Variants in TFAP2A observed in about 807,000 individuals in gnomAD.
TFAP2A encodes transcription factor AP-2 alpha.
Under a neutral mutation model 41.5 loss-of-function variants are expected in TFAP2A, and 7 were observed. The ratio of observed to expected loss-of-function variants is 0.17; its 90% CI spans 0.10 to 0.32. The LOEUF (loss-of-function observed/expected upper bound fraction) is 0.32, where lower values mean the gene tolerates loss of function less well. TFAP2A is among the 10% of genes least tolerant of loss of function. TFAP2A has a pLI of 1.00. For synonymous variants in TFAP2A, 247 were observed against 242.8 expected (o/e 1.02, Z -0.16); for missense variants, 416 against 563.3 (o/e 0.74, Z 2.65).
At chr6:10,413,922 C>T (rs1758120074) in intron 1 of TFAP2A, among the ~76,000 whole-genome samples, 1 of 152,126 alleles carries the variant, frequency 6.6e-6, no homozygotes, top group Admixed American at 6.5e-5. Context: ...TAGGTAATCT[C>T]CAGCCCTACA....
rs376887906 is a variant in TFAP2A, at chr6:10,404,762, G to A, written c.539-23C>T. ...GGCCTGCGGAGACAGAGGGGAGGCC[G>A]CGTGTTGGGCGTCGTGGATCACCCC... On this transcript the variant is annotated intron_variant, in intron 3 of 6. Transcript: ENST00000379613. 9.5e-5 allele frequency: 152 copies of A among 1,599,214 alleles called. No individual in the cohort carries two copies. In the African/African-American group the frequency reaches 1.9e-3, roughly 20 times the overall value.
At chr6:10,414,059 G>T (rs751846291) in intron 1 of TFAP2A, among the ~76,000 whole-genome samples, 1 of 152,242 alleles carries the variant, frequency 6.6e-6, no homozygotes, top group East Asian at 1.9e-4. Flanking sequence ...GAGCTCAGGG[G>T]ACTCTGCGTT....
upstream of TFAP2A, chr6:10,419,611 C>A: frequency 7.1e-6 from 6 of 840,102 alleles, no homozygotes; most frequent in South Asian, 7.7e-5. Flanking sequence ...CCGACGCATG[C>A]GCGCTGGCCC....
chr6:10,409,171 C>A (rs1757840521), intron 2 of TFAP2A: 1 of 152,164 alleles, frequency 6.6e-6, no homozygotes, highest in African/African-American at 2.4e-5. Flanking sequence ...ATTTAGAAAT[C>A]ATTTTAAACT....
rs1761890440 is a variant in TFAP2A, at chr6:10,398,695, T to C, written c.1042A>G (p.Lys348Glu). Residue 348 changes from lysine to glutamate, a missense_variant, in exon 7 of 7, where the codon AAA becomes GAA. Lys to Glu is a moderately conservative substitution (Grantham distance 56). Around this residue, in one of 3 missense-constraint regions of TFAP2A, gnomAD observed 116 missense variants for 153.8 expected, o/e 0.75. Transcript: ENST00000379613. This position sits in a 1 kb window ranked among gnomAD's most constrained non-coding sequence, Gnocchi z 5.3. ...NMLLATKQIC[K>E]EFTDLLAQDR... ...TGAGCCAGCAGGTCGGTGAACTCTT[T>C]GCATATCTGTCTGCAGCACAAGTGG... 1.9e-6 allele frequency: 3 copies of C among 1,614,068 alleles called. No individual in the cohort carries two copies. Among genetic ancestry groups the C allele is most frequent in the East Asian group, 2.2e-5 (1 of 44,856 alleles).
intron 3 of TFAP2A, chr6:10,406,568 C>G (rs1045420036): frequency 3.5e-6 from 2 of 575,854 alleles, no homozygotes; most frequent in Non-Finnish European, 6.2e-6. Flanking sequence ...TATCATTAAA[C>G]TAAATTAAAT....
intron 5 of TFAP2A, chr6:10,400,830 C>A: frequency 1.5e-6 from 1 of 670,374 alleles, no homozygotes; most frequent in Non-Finnish European, 2.7e-6. Flanking sequence ...AAATCTCATC[C>A]ACCAACCTCC....
chr6:10,402,966 C>A (rs1468630704), intron 4 of TFAP2A, among the ~76,000 whole-genome samples: 8 of 152,230 alleles, frequency 5.3e-5, no homozygotes, highest in Non-Finnish European at 2.9e-5. Context: ...GTTACAATCA[C>A]ACCAATCCCA....
At chr6:10,417,805 CCTAA>C (rs1388361185), upstream of TFAP2A, among the ~76,000 whole-genome samples, 3 of 152,214 alleles carry the variant, frequency 2.0e-5, no homozygotes, top group Non-Finnish European at 4.4e-5. Flanking sequence ...CAGCCACTTG[CCTAA>C]CTGTGAGCCC....
upstream of TFAP2A, chr6:10,415,149 AAGG>A (rs984530947): frequency 7.0e-4 from 1,041 of 1,495,712 alleles, no homozygotes; most frequent in African/African-American, 6.2e-3. Context: ...GGAGGAGGGC[AAGG>A]AGGAGGAGGA....
chr6:10,401,454 T>C (rs1762002895), intron 5 of TFAP2A, among the ~76,000 whole-genome samples: 1 of 152,248 alleles, frequency 6.6e-6, no homozygotes. Flanking sequence ...TCTAAACAGT[T>C]ATATTACTAT....
chr6:10,403,216 T>C (rs1757497893), intron 4 of TFAP2A, among the ~76,000 whole-genome samples: 1 of 152,344 alleles, frequency 6.6e-6, no homozygotes, highest in East Asian at 1.9e-4. Context: ...CTAAATAGAA[T>C]CCCATAATCA....
In TFAP2A at chr6:10,410,044, C is replaced by T. The variant is rs767502053; in HGVS notation, c.343G>A (p.Gly115Arg). The change falls in exon 2 of 7, where the codon GGG becomes AGG. Residue 115 changes from glycine to arginine, a missense_variant. By Grantham distance (125) the Gly-to-Arg change is moderately radical. This residue lies in a region of TFAP2A where 241 missense variants were observed against 274.1 expected (regional missense o/e 0.88). Transcript: ENST00000379613. ...QESGLLHTHRGLPHQLSGLDP... is the reference protein window; with the variant it reads ...QESGLLHTHRRLPHQLSGLDP... ...AGGCCCGACAGCTGGTGAGGCAGCC[C>T]CCGGTGCGTGTGCAGGAGCCCAGAC... is the stretch of plus-strand genomic sequence containing the variant. The T allele has an allele frequency of 6.2e-6, 10 of 1,612,838 alleles. No individual in the cohort carries two copies. The highest frequency in any genetic ancestry group is 8.5e-6 in the Non-Finnish European group (10 of 1,179,812).
chr6:10,417,806 C>T (rs990781356), upstream of TFAP2A, among the ~76,000 whole-genome samples: 2 of 152,224 alleles, frequency 1.3e-5, no homozygotes, highest in African/African-American at 4.8e-5. Flanking sequence ...AGCCACTTGC[C>T]TAACTGTGAG....
chr6:10,419,420 G>T, upstream of TFAP2A: 1 of 1,613,872 alleles, frequency 6.2e-7, no homozygotes, highest in Non-Finnish European at 8.5e-7. Flanking sequence ...CCCCGTACCT[G>T]CCAGTCCCCC....
intron 1 of TFAP2A, chr6:10,414,550 C>G: frequency 2.6e-6 from 1 of 378,486 alleles, no homozygotes; most frequent in Non-Finnish European, 5.0e-6. Context: ...AAAGAGTTTT[C>G]TCTTTCCTTT....
upstream of TFAP2A, chr6:10,419,281 T>C: frequency 9.7e-7 from 1 of 1,028,478 alleles, no homozygotes; most frequent in Non-Finnish European, 1.5e-6. Flanking sequence ...GGAGCTCTCC[T>C]GGGCGCTGCC....
chr6:10,415,707 A>T (rs1758217189), upstream of TFAP2A: 1 of 152,860 alleles, frequency 6.5e-6, no homozygotes, highest in Admixed American at 6.5e-5. Context: ...GCAATTAAAC[A>T]TAACCACCAA....
chr6:10,405,714 C>T (rs969941355), intron 3 of TFAP2A: 1 of 152,096 alleles, frequency 6.6e-6, no homozygotes, highest in Non-Finnish European at 1.5e-5. Context: ...CATTTGGAGA[C>T]ATCATATGCA....
Sources: allele counts gnomAD v4.1 joint callset (sites outside exome capture counted in the v4.1 genomes callset), GRCh38; gene constraint gnomAD v4.1.1; regional missense constraint gnomAD v4.1.1; non-coding constraint Gnocchi (gnomAD v3.1); transcripts MANE v1.5; gene names NCBI Gene and HGNC (gene_info 2026-07-23, HGNC 2026-07-21).